Variants in PHEX observed in about 807,000 individuals in gnomAD.
PHEX encodes phosphate regulating endopeptidase X-linked, also known as phosphate-regulating neutral endopeptidase PHEX.
In PHEX, 16 loss-of-function variants were observed where a neutral mutation model predicts 68.0. That is an observed-to-expected ratio of 0.24 (90% confidence interval 0.16 to 0.36). The LOEUF (loss-of-function observed/expected upper bound fraction) is 0.36, where lower values mean the gene tolerates loss of function less well. Among genes scored for constraint, PHEX ranks in the 10% least tolerant of loss-of-function variants. The probability of loss-of-function intolerance (pLI) is 1.00; values close to 1 mark genes in which losing one functional copy is unlikely to be tolerated. For synonymous variants in PHEX, 208 were observed against 205.1 expected, an observed-to-expected ratio of 1.01 and a Z score of -0.12; for missense variants, 480 against 575.5, an observed-to-expected ratio of 0.83 and a Z score of 1.70.
intron 13 of PHEX, among the ~76,000 whole-genome samples, chrX:22,175,911 T>C (rs1255089593): frequency 9.0e-6 from 1 of 110,917 alleles, no homozygotes; most frequent in Non-Finnish European, 1.9e-5. Context: ...ATTCTGAAGG[T>C]TTTGGCAGAG....
chrX:22,047,056 C>T lies in PHEX; in HGVS notation c.194C>T (p.Ala65Val), dbSNP rs1248923826. Residue 65 changes from alanine to valine, a missense_variant, in exon 3 of 22, where the codon GCC (alanine) becomes GTC (valine). Coordinates refer to ENST00000379374, the MANE Select transcript of PHEX (RefSeq NM_000444.6). ...LKPECIEAAAAILSKVNLSVD... is the reference protein window; with the variant it reads ...LKPECIEAAAVILSKVNLSVD... ...TGATTTTCTTTCTAAATAGCTGCTG[C>T]CATCTTAAGTAAAGTAAATCTGTCT... is the stretch of plus-strand genomic sequence containing the variant. 1 of 1,206,263 alleles carries T rather than the reference C, an allele frequency of 8.3e-7. No homozygotes were observed. Among genetic ancestry groups the T allele is most frequent in the Non-Finnish European group, 1.1e-6 (1 of 890,443 alleles).
At chrX:22,038,743 A>C (rs972648888) in intron 2 of PHEX, among the ~76,000 whole-genome samples, 7 of 111,807 alleles carry the variant, frequency 6.3e-5, no homozygotes, top group African/African-American at 2.3e-4. Context: ...CCTTGCAAAA[A>C]CTGTGGTATT....
intron 20 of PHEX, among the ~76,000 whole-genome samples, chrX:22,243,567 G>GACTT (rs1292063765): frequency 9.0e-6 from 1 of 111,388 alleles, no homozygotes; most frequent in Non-Finnish European, 1.9e-5. Context: ...ATCTACAAAG[G>GACTT]ACTTACACAA....
intron 7 of PHEX, among the ~76,000 whole-genome samples, chrX:22,096,274 G>C (rs1258571544): frequency 8.9e-6 from 1 of 112,597 alleles, no homozygotes; most frequent in East Asian, 2.8e-4. Context: ...GCTGTTCTTA[G>C]GTTAAACATA....
At chrX:22,126,864 GTTT>G (rs35691469) in intron 11 of PHEX, among the ~76,000 whole-genome samples, 9 of 54,606 alleles carry the variant, frequency 1.6e-4, no homozygotes, top group African/African-American at 6.9e-4. Flanking sequence ...TGAAATAGTT[GTTT>G]TTTTTTTTTT....
At chrX:22,121,781 C>A (rs1254723307) in intron 11 of PHEX, among the ~76,000 whole-genome samples, 2 of 111,762 alleles carry the variant, frequency 1.8e-5, no homozygotes, top group African/African-American at 6.5e-5. Flanking sequence ...GTTCATGTCC[C>A]CAAGTAATGC....
chrX:22,109,057 T>C lies in PHEX; in HGVS notation c.1080-2410T>C, dbSNP rs113295060. Among the ~76,000 whole-genome samples the C allele has an allele frequency of 4.3e-3, 482 of 111,985 alleles. 3 individuals carry two copies. Among genetic ancestry groups the C allele is most frequent in the African/African-American group, 0.015 (460 of 30,851 alleles). On this transcript the variant is annotated intron_variant, in intron 9 of 21. Transcript: ENST00000379374. Reference sequence around the variant, plus strand: ...AGTAGACAAGTGGCTTAAAAATTCTTGCAGGAAACAGGAATTGAAATGATT... The same window carrying C: ...AGTAGACAAGTGGCTTAAAAATTCTCGCAGGAAACAGGAATTGAAATGATT...
intron 9 of PHEX, among the ~76,000 whole-genome samples, chrX:22,109,346 A>G (rs187626819): frequency 6.2e-5 from 7 of 112,468 alleles, no homozygotes; most frequent in Admixed American, 5.7e-4. Context: ...AATTAACCCA[A>G]TGGTGTTTGA....
At chrX:22,191,796 A>G (rs1934206640) in intron 15 of PHEX, among the ~76,000 whole-genome samples, 1 of 112,431 alleles carries the variant, frequency 8.9e-6, no homozygotes, top group African/African-American at 3.2e-5. Context: ...TAGAAAAAGC[A>G]AAATAACCTA....
At position 22,164,032 on chromosome X, in the gene PHEX, T is replaced by C. The variant is rs2269469; in HGVS notation, c.1405-4280T>C. On this transcript the variant is annotated intron_variant, in intron 12 of 21. Coordinates refer to ENST00000379374, the MANE Select transcript of PHEX (RefSeq NM_000444.6). The stretch of plus-strand genomic sequence containing the variant: ...TCTTTCTCAGGAGAATGCCTGGAAG[T>C]TGCTGGAAAAGGGCTGTATCTGCTG... Among the ~76,000 whole-genome samples, 1,670 of 111,494 alleles carry C rather than the reference T, an allele frequency of 0.015. 80 individuals are homozygous for C. In the East Asian group the frequency reaches 0.23, roughly 16 times the overall value.
At chrX:22,188,470 A>G (rs993227545) in intron 14 of PHEX, among the ~76,000 whole-genome samples, 11 of 112,757 alleles carry the variant, frequency 9.8e-5, no homozygotes, top group Non-Finnish European at 1.7e-4. Context: ...TTTGGCCACT[A>G]TGGCCTGTGG....
At chrX:22,142,357 G>C (rs1444624845) in intron 12 of PHEX, among the ~76,000 whole-genome samples, 1 of 112,212 alleles carries the variant, frequency 8.9e-6, no homozygotes, top group Non-Finnish European at 1.9e-5. Flanking sequence ...AGGTTGTGCT[G>C]TTATAGTTAT....
chrX:22,185,022 T>C (rs1210280721), intron 14 of PHEX, among the ~76,000 whole-genome samples: 1 of 112,142 alleles, frequency 8.9e-6, no homozygotes, highest in African/African-American at 3.2e-5. Flanking sequence ...GCCTGATGTA[T>C]ATCTATTTTA....
intron 14 of PHEX, among the ~76,000 whole-genome samples, chrX:22,187,941 CATT>C (rs1184010234): frequency 1.1e-4 from 12 of 111,614 alleles, no homozygotes; most frequent in Non-Finnish European, 2.1e-4. Context: ...TCATAAATCT[CATT>C]ATCCTCGTCT....
Position 22,059,921 on chromosome X carries a change from G to A in PHEX, c.349+12710G>A, listed in dbSNP as rs139556916. 4.3e-4 allele frequency among the ~76,000 whole-genome samples: 48 copies of A among 111,887 alleles called. 1 individual carries two copies. In the East Asian group the frequency reaches 0.013, roughly 29 times the overall value. On this transcript the variant is annotated intron_variant, in intron 3 of 21. Transcript: ENST00000379374. ...CTGATTAAATGCAGTCTTTATGATT[G>A]TCTATGCCTTGGAACCTGTATATTT...
intron 20 of PHEX, among the ~76,000 whole-genome samples, chrX:22,230,227 C>CTT (rs1491179640): frequency 3.8e-5 from 1 of 26,035 alleles, no homozygotes; most frequent in East Asian, 1.2e-3. Flanking sequence ...GCTATATGGG[C>CTT]TCTTTTTTTT....
chrX:22,104,855 A>G (rs1930605772), intron 9 of PHEX, among the ~76,000 whole-genome samples: 1 of 108,363 alleles, frequency 9.2e-6, no homozygotes, highest in African/African-American at 3.6e-5. Context: ...CATCTGCGCC[A>G]GGACTGTTTT....
At chrX:22,112,367 C>G (rs1281506803) in intron 10 of PHEX, among the ~76,000 whole-genome samples, 3 of 111,873 alleles carry the variant, frequency 2.7e-5, no homozygotes, top group Non-Finnish European at 5.6e-5. Flanking sequence ...GTTTTTGAGG[C>G]TTATGTCTGA....
At chrX:22,233,218 C>T (rs1371255195) in intron 20 of PHEX, among the ~76,000 whole-genome samples, 1 of 111,687 alleles carries the variant, frequency 9.0e-6, no homozygotes, top group Non-Finnish European at 1.9e-5. Context: ...GTAACCCGAC[C>T]TTTCTCTCTG....
Sources: allele counts gnomAD v4.1 joint callset (sites outside exome capture counted in the v4.1 genomes callset), GRCh38; gene constraint gnomAD v4.1.1; transcripts MANE v1.5; gene names NCBI Gene and HGNC (gene_info 2026-07-23, HGNC 2026-07-21).